The following PUM1 variants were observed in gnomAD, a reference collection of about 807,000 sequenced individuals.
PUM1 encodes the protein pumilio RNA binding family member 1, also known as pumilio homolog 1.
PUM1 carries 13 observed loss-of-function variants against 131.8 expected under a neutral mutation model. That is an observed-to-expected ratio of 0.10 (90% CI 0.06 to 0.16). The LOEUF is 0.16. Ranked by LOEUF, PUM1 falls within the 10% of genes least tolerant of loss-of-function variation. PUM1 has a pLI of 1.00. For missense variants in PUM1, 961 were observed against 1,512.4 expected (o/e 0.64, Z 6.05); for synonymous variants, 509 against 556.5 (o/e 0.91, Z 1.20).
chr1:30,971,539 G>A (rs1292969037), intron 10 of PUM1, among the ~76,000 whole-genome samples: 5 of 152,084 alleles, frequency 3.3e-5, no homozygotes, highest in Admixed American at 6.6e-5. Context: ...GCTAGTTAAC[G>A]GCAGAAGAAA....
intron 20 of PUM1, among the ~76,000 whole-genome samples, chr1:30,937,504 C>G (rs115002822): frequency 0.016 from 2,498 of 152,152 alleles, 32 homozygotes; most frequent in Non-Finnish European, 0.026. Flanking sequence ...GACTCCATCT[C>G]GAACTCCTGA....
chr1:31,044,552 G>T (rs1284391771), intron 2 of PUM1, among the ~76,000 whole-genome samples: 2 of 152,204 alleles, frequency 1.3e-5, no homozygotes, highest in African/African-American at 4.8e-5. Context: ...AAGTGGACTG[G>T]TGGTTGCCTA....
intron 2 of PUM1, among the ~76,000 whole-genome samples, chr1:31,040,188 G>A (rs4949191): frequency 0.67 from 101,677 of 151,922 alleles, 35,014 homozygotes; most frequent in East Asian, 0.87. Context: ...CCAAAGTGCT[G>A]GGATCACAGG....
intron 10 of PUM1, 95 bp from the exon 11 acceptor site, chr1:30,968,587 G>T: frequency 7.6e-7 from 1 of 1,318,474 alleles, no homozygotes; most frequent in Non-Finnish European, 1.0e-6. Context: ...AAACTTAATT[G>T]TAAATTGTTT....
At chr1:31,019,164 C>G (rs1642930099) in intron 3 of PUM1, among the ~76,000 whole-genome samples, 1 of 152,000 alleles carries the variant, frequency 6.6e-6, no homozygotes, top group Non-Finnish European at 1.5e-5. Context: ...ACCAACCTGG[C>G]CAATATGGTG....
chr1:30,992,699 A>G (rs1237884313), intron 6 of PUM1, 39 bp from the exon 7 acceptor site: 1 of 1,577,898 alleles, frequency 6.3e-7, no homozygotes, highest in South Asian at 1.2e-5. Flanking sequence ...CCTTATTTTC[A>G]GTGGGGAGGG....
chr1:30,932,537 A>G lies in PUM1; in HGVS notation c.*674T>C, dbSNP rs1403175103. The G allele has an allele frequency of 2.0e-5, 3 of 151,774 alleles. No individual in the cohort carries two copies. The highest frequency in any genetic ancestry group is 2.9e-5 in the Non-Finnish European group (2 of 67,972). 9.4% of individuals were successfully genotyped at this position (151,774 alleles called of 1,614,324 possible). A position where few individuals can be genotyped will look rare whatever the true frequency, so the allele number is the denominator to read the frequency against. ...GTGCTCGCATCTCCTCCTCACGAAC[A>G]GCCTTCTTCAGCATAATATAGTCTC... On this transcript the variant is annotated 3_prime_UTR_variant, in exon 22 of 22. Coordinates refer to ENST00000426105, the MANE Select transcript of PUM1 (RefSeq NM_001020658.2).
intron 7 of PUM1, among the ~76,000 whole-genome samples, chr1:30,987,195 AT>A (rs35752234): frequency 0.034 from 4,755 of 140,822 alleles, 74 homozygotes; most frequent in Middle Eastern, 0.086. Flanking sequence ...CTAGTAACAA[AT>A]TTTTTTTTTT....
At chr1:31,044,832 C>G (rs1210905238) in intron 2 of PUM1, among the ~76,000 whole-genome samples, 35 of 151,796 alleles carry the variant, frequency 2.3e-4, no homozygotes, top group Non-Finnish European at 1.5e-5. Flanking sequence ...TTGTTTGAGA[C>G]AGAGTATAGC....
At chr1:31,065,520 A>AC in intron 1 of PUM1, 96 bp downstream of exon 1, 1 of 1,379,134 alleles carries the variant, frequency 7.3e-7, no homozygotes, top group Admixed American at 2.7e-5. Flanking sequence ...AGCCCTTCTC[A>AC]CCCCCACAAC....
rs1392611833 is a variant in PUM1, at chr1:31,050,119, A to G, written c.363+9085T>C. Among the ~76,000 whole-genome samples the G allele has an allele frequency of 3.3e-5, 5 of 152,038 alleles. No homozygotes were observed. In the East Asian group the frequency reaches 9.7e-4, roughly 29 times the overall value. ...GTGCTGGGATTACAGGCGTGAGCCA[A>G]TTGCAACCAGCCGAACTTCTTTTGT... is the stretch of plus-strand genomic sequence containing the variant. On this transcript the variant is annotated intron_variant, in intron 2 of 21. Coordinates refer to ENST00000426105, the MANE Select transcript of PUM1 (RefSeq NM_001020658.2).
intron 2 of PUM1, among the ~76,000 whole-genome samples, chr1:31,035,756 A>T (rs78545282): frequency 1.2e-3 from 164 of 141,694 alleles, no homozygotes; most frequent in African/African-American, 4.1e-3. Context: ...CATCTCAAAT[A>T]AAAAAAAAAA....
At chr1:31,041,881 G>A (rs1039606004) in intron 2 of PUM1, among the ~76,000 whole-genome samples, 1 of 151,992 alleles carries the variant, frequency 6.6e-6, no homozygotes, top group Non-Finnish European at 1.5e-5. Context: ...AAAAAAAAAT[G>A]AGAAAGATAA....
intron 11 of PUM1, among the ~76,000 whole-genome samples, chr1:30,967,748 C>T (rs945617554): frequency 2.6e-5 from 4 of 152,162 alleles, no homozygotes; most frequent in East Asian, 1.9e-4. Flanking sequence ...GCTCTATGAT[C>T]AGTAAAGGTC....
chr1:30,950,205 C>T lies in PUM1; in HGVS notation c.2778G>A (p.Leu926=). The part of the protein sequence containing the change: ...ALAERIRGHV[L]SLALQMYGCR... Reference sequence around the variant, plus strand: ...AGCCATACATCTGTAGTGCCAATGACAGGACGTGGCCTCGAATCCGTTCTG... The same window carrying T: ...AGCCATACATCTGTAGTGCCAATGATAGGACGTGGCCTCGAATCCGTTCTG... The change falls in exon 17 of 22, where the codon CTG becomes CTA. Residue 926 remains leucine (L), a synonymous_variant. Transcript: ENST00000426105. The T allele has an allele frequency of 6.2e-7, 1 of 1,614,126 alleles. No homozygotes were observed. Among genetic ancestry groups the T allele is most frequent in the Non-Finnish European group, 8.5e-7 (1 of 1,179,996 alleles).
chr1:30,991,485 T>C (rs1641790188), intron 7 of PUM1, among the ~76,000 whole-genome samples: 1 of 152,328 alleles, frequency 6.6e-6, no homozygotes, highest in South Asian at 2.1e-4. Flanking sequence ...CAACACGGCA[T>C]AATAATCTCC....
chr1:31,054,700 T>C (rs760925422), intron 2 of PUM1, among the ~76,000 whole-genome samples: 4 of 152,208 alleles, frequency 2.6e-5, no homozygotes, highest in Non-Finnish European at 5.9e-5. Flanking sequence ...AAATGGACTT[T>C]ACCATTACTG....
chr1:30,964,172 TGA>T (rs943742988), intron 14 of PUM1, among the ~76,000 whole-genome samples: 1 of 152,174 alleles, frequency 6.6e-6, no homozygotes, highest in African/African-American at 2.4e-5. Context: ...CTATATGGTT[TGA>T]GAGTTTATAT....
chr1:30,986,736 T>C (rs537710016), intron 7 of PUM1, among the ~76,000 whole-genome samples: 8 of 152,294 alleles, frequency 5.3e-5, no homozygotes, highest in African/African-American at 1.9e-4. Context: ...CAAATAACAA[T>C]AGAAGTTAAG....
Sources: allele counts gnomAD v4.1 joint callset (sites outside exome capture counted in the v4.1 genomes callset), GRCh38; gene constraint gnomAD v4.1.1; transcripts MANE v1.5; gene names NCBI Gene and HGNC (gene_info 2026-07-23, HGNC 2026-07-21).